Variants in PANK2 observed in about 807,000 individuals in gnomAD.
PANK2 encodes pantothenate kinase 2, mitochondrial.
In PANK2, 36 loss-of-function variants were observed where a neutral mutation model predicts 43.1. The observed-to-expected ratio is 0.84, with a 90% CI of 0.64 to 1.10. The LOEUF (loss-of-function observed/expected upper bound fraction) is 1.10, where lower values mean the gene tolerates loss of function less well. PANK2 is among the 50% of genes least tolerant of loss of function. PANK2 has a pLI of 0.00. For synonymous variants in PANK2, 281 were observed against 238.2 expected (o/e 1.18, Z -1.66); for missense variants, 576 against 593.3 (o/e 0.97, Z 0.30).
At chr20:3,915,518 G>A (rs1214470248) in intron 4 of PANK2, among the ~76,000 whole-genome samples, 4 of 152,148 alleles carry the variant, frequency 2.6e-5, no homozygotes, top group African/African-American at 4.8e-5. Context: ...GGATGGTCTC[G>A]ATCTCTTGAC....
intron 3 of PANK2, among the ~76,000 whole-genome samples, chr20:3,911,687 T>A (rs2090471315): frequency 6.7e-6 from 1 of 149,950 alleles, no homozygotes; most frequent in African/African-American, 2.5e-5. Flanking sequence ...AGGTCGGGAG[T>A]TCGAGACCAG....
At chr20:3,914,830 G>A (rs1027338597) in intron 4 of PANK2, among the ~76,000 whole-genome samples, 8 of 151,736 alleles carry the variant, frequency 5.3e-5, no homozygotes, top group African/African-American at 1.5e-4. Flanking sequence ...GGCTGGTCTC[G>A]AGCTCCTGAC....
chr20:3,893,131 G>A (rs1301917841), intron 1 of PANK2, among the ~76,000 whole-genome samples: 1 of 152,126 alleles, frequency 6.6e-6, no homozygotes, highest in Admixed American at 6.6e-5. Context: ...TGAGGTAGGT[G>A]TTTTTTATCC....
intron 1 of PANK2, among the ~76,000 whole-genome samples, chr20:3,890,818 CT>C (rs1192892523): frequency 3.3e-5 from 5 of 152,146 alleles, no homozygotes; most frequent in African/African-American, 1.2e-4. Context: ...GTTTTCAGTT[CT>C]TTTGTCTTTT....
intron 1 of PANK2, among the ~76,000 whole-genome samples, chr20:3,902,382 T>TAC (rs2090315819): frequency 6.6e-6 from 1 of 151,694 alleles, no homozygotes; most frequent in Non-Finnish European, 1.5e-5. Context: ...CAGACTGTAG[T>TAC]ACAGTGGGAC....
rs2090756851 is a variant in PANK2, at chr20:3,928,261, G to C, written c.*4967G>C. 1 of 152,150 alleles carries C rather than the reference G, an allele frequency of 6.6e-6. No homozygotes were observed. Among genetic ancestry groups the C allele is most frequent in the South Asian group, 2.1e-4 (1 of 4,830 alleles). The allele number at this position is 152,150 out of a possible 1,614,324, so 9.4% of individuals were successfully genotyped here. A position where few individuals can be genotyped will look rare whatever the true frequency, so the allele number is the denominator to read the frequency against. On this transcript the variant is annotated 3_prime_UTR_variant, in exon 7 of 7. Coordinates refer to ENST00000610179, the MANE Select transcript of PANK2 (RefSeq NM_001386393.1). Reference sequence around the variant, plus strand: ...ATAGAGAATTTTTTCTCAAGTTTTGGGTTAGGGCACCAGTTGCAATTTTAA... The same window carrying C: ...ATAGAGAATTTTTTCTCAAGTTTTGCGTTAGGGCACCAGTTGCAATTTTAA...
At chr20:3,905,116 A>G (rs1212722088) in intron 1 of PANK2, among the ~76,000 whole-genome samples, 1 of 151,978 alleles carries the variant, frequency 6.6e-6, no homozygotes, top group Non-Finnish European at 1.5e-5. Context: ...TGGTAGAGGG[A>G]GTGGCCTGTC....
At chr20:3,889,338 C>A (rs1226784662), upstream of PANK2, 2 of 1,587,292 alleles carry the variant, frequency 1.3e-6, no homozygotes, top group Admixed American at 1.8e-5. Context: ...GGATTGGCTT[C>A]CTGCGCGTTG....
At position 3,918,378 on chromosome 20, in the gene PANK2, TTTAAC is replaced by T. The variant is rs1483344546; in HGVS notation, c.1207-289_1207-285del. Reference sequence around the variant, plus strand: ...AGTCATACTGTTTTTTTTTGTTTATTTTAACTTATCTGTATAAAACATTGTATTCA... The same window carrying T: ...AGTCATACTGTTTTTTTTTGTTTATTTTATCTGTATAAAACATTGTATTCA... On this transcript the variant is annotated intron_variant, in intron 5 of 6. Transcript: ENST00000610179. Among the ~76,000 whole-genome samples the T allele has an allele frequency of 2.8e-4, 42 of 152,322 alleles. No individual in the cohort carries two copies. In the South Asian group the frequency reaches 4.1e-3, roughly 15 times the overall value.
At chr20:3,906,735 CT>C (rs2090392464) in intron 1 of PANK2, among the ~76,000 whole-genome samples, 1 of 152,134 alleles carries the variant, frequency 6.6e-6, no homozygotes, top group Admixed American at 6.5e-5. Context: ...AAAATCATTA[CT>C]TTGAGCCCTC....
intron 6 of PANK2, among the ~76,000 whole-genome samples, chr20:3,919,892 TTAAG>T (rs1193973930): frequency 7.9e-5 from 12 of 152,348 alleles, no homozygotes; most frequent in Non-Finnish European, 1.2e-4. Flanking sequence ...TAAAGTTACT[TTAAG>T]TTTTTCTTTT....
chr20:3,917,598 G>T (rs1166402197), intron 5 of PANK2: 1 of 508,434 alleles, frequency 2.0e-6, no homozygotes, highest in Non-Finnish European at 4.2e-6. Flanking sequence ...GGGAAAAGAG[G>T]ATCTAGGATC....
chr20:3,899,703 C>CTTTTTT (rs11469308), intron 1 of PANK2, among the ~76,000 whole-genome samples: 6 of 88,996 alleles, frequency 6.7e-5, no homozygotes, highest in East Asian at 3.2e-4. Flanking sequence ...ATCAGTTGTA[C>CTTTTTT]TTTTTTTTTT....
At chr20:3,902,271 A>G (rs775544313) in intron 1 of PANK2, among the ~76,000 whole-genome samples, 2 of 150,448 alleles carry the variant, frequency 1.3e-5, no homozygotes, top group Non-Finnish European at 2.9e-5. Flanking sequence ...GGCTCAAGCT[A>G]TCCTCTCACT....
At chr20:3,922,700 A>G (rs2090664965) in intron 6 of PANK2, among the ~76,000 whole-genome samples, 1 of 151,736 alleles carries the variant, frequency 6.6e-6, no homozygotes, top group Non-Finnish European at 1.5e-5. Context: ...TTTCTCGGGG[A>G]TGCTGCCCCC....
intron 5 of PANK2, chr20:3,917,660 CTTTTA>C (rs950055876): frequency 1.3e-5 from 3 of 223,552 alleles, no homozygotes; most frequent in African/African-American, 4.7e-5. Flanking sequence ...TTAAATTATT[CTTTTA>C]TTTTTATTTT....
chr20:3,902,864 C>T (rs184590310), intron 1 of PANK2, among the ~76,000 whole-genome samples: 3 of 151,678 alleles, frequency 2.0e-5, no homozygotes, highest in African/African-American at 2.4e-5. Flanking sequence ...TTTATTTTAG[C>T]AATTGTTTTT....
At chr20:3,911,887 T>C (rs1250578820) in intron 3 of PANK2, among the ~76,000 whole-genome samples, 1 of 147,902 alleles carries the variant, frequency 6.8e-6, no homozygotes, top group Non-Finnish European at 1.5e-5. Context: ...CTAAACTCCA[T>C]CTCAAAAAAA....
At chr20:3,910,948 C>A in intron 3 of PANK2, 118 bp downstream of exon 3, 2 of 1,268,656 alleles carry the variant, frequency 1.6e-6, no homozygotes, top group South Asian at 1.3e-5. Flanking sequence ...CTGGATTATG[C>A]AAACAAATGT....
Sources: allele counts gnomAD v4.1 joint callset (sites outside exome capture counted in the v4.1 genomes callset), GRCh38; gene constraint gnomAD v4.1.1; transcripts MANE v1.5; gene names NCBI Gene and HGNC (gene_info 2026-07-23, HGNC 2026-07-21).